The following AFF2 variants were observed in gnomAD, a reference collection of about 807,000 sequenced individuals.
AFF2 encodes AF4/FMR2 family member 2.
In AFF2, 14 loss-of-function variants were observed where a neutral mutation model predicts 76.9. That is an observed-to-expected ratio of 0.18 (90% CI 0.12 to 0.28). The LOEUF is 0.28. Among genes scored for constraint, AFF2 ranks in the 10% least tolerant of loss-of-function variants. The pLI is 1.00. For synonymous variants in AFF2, 398 were observed against 366.7 expected (o/e 1.09, Z -0.98); for missense variants, 868 against 1,001.1 (o/e 0.87, Z 1.79).
intron 1 of AFF2, among the ~76,000 whole-genome samples, chrX:148,637,309 C>T (rs1259617340): frequency 9.0e-6 from 1 of 111,672 alleles, no homozygotes; most frequent in Non-Finnish European, 1.9e-5. Context: ...CATATGTGCC[C>T]CAGGTCCAGA....
At chrX:148,952,958 A>G (rs2071987227) in intron 9 of AFF2, among the ~76,000 whole-genome samples, 1 of 111,268 alleles carries the variant, frequency 9.0e-6, no homozygotes, top group African/African-American at 3.3e-5. Flanking sequence ...AGCAATGAAT[A>G]TGCTCAGCAC....
chrX:148,994,429 G>T lies in AFF2; in HGVS notation c.*3097G>T, dbSNP rs1456754533. The stretch of plus-strand genomic sequence containing the variant: ...TAAGCATGTTGTTAGCCAGCCTGTA[G>T]ACTGTTAATTACTTAATAATCTCAT... On this transcript the variant is annotated 3_prime_UTR_variant, in exon 21 of 21. Transcript: ENST00000370460. 1 of 112,418 alleles carries T rather than the reference G, an allele frequency of 8.9e-6. No individual in the cohort carries two copies. Among genetic ancestry groups the T allele is most frequent in the Non-Finnish European group, 1.9e-5 (1 of 53,300 alleles). 9.3% of individuals were successfully genotyped at this position (112,418 alleles called of 1,213,427 possible).
rs1201391700 is a variant in AFF2, at chrX:148,997,145, A to C, written c.*5813A>C. The C allele has an allele frequency of 2.7e-5, 3 of 112,256 alleles. No individual in the cohort carries two copies. Among genetic ancestry groups the C allele is most frequent in the Non-Finnish European group, 3.8e-5 (2 of 53,219 alleles). 9.3% of individuals were successfully genotyped at this position (112,256 alleles called of 1,213,427 possible). On this transcript the variant is annotated 3_prime_UTR_variant, in exon 21 of 21. Transcript: ENST00000370460. The stretch of plus-strand genomic sequence containing the variant: ...TGTTTTAGCTCTGAACTCAAACCAG[A>C]ATATCTCTGTATCAATTGCATGACT...
intron 3 of AFF2, among the ~76,000 whole-genome samples, chrX:148,790,430 A>C (rs1029040153): frequency 8.9e-6 from 1 of 111,737 alleles, no homozygotes; most frequent in Non-Finnish European, 1.9e-5. Context: ...AAAGACATGG[A>C]ATCAACCCAA....
intron 1 of AFF2, among the ~76,000 whole-genome samples, chrX:148,504,223 G>A (rs782147143): frequency 4.7e-4 from 52 of 110,614 alleles, no homozygotes; most frequent in African/African-American, 1.7e-3. Context: ...CTCCCACCCA[G>A]TATTGATTAG....
intron 3 of AFF2, among the ~76,000 whole-genome samples, chrX:148,808,242 C>T (rs1010409502): frequency 2.7e-5 from 3 of 111,899 alleles, no homozygotes; most frequent in Admixed American, 9.4e-5. Flanking sequence ...TGTGATTCTT[C>T]ATATTCACCT....
At chrX:148,501,779 TGAGG>T (rs1557231902) in intron 1 of AFF2, among the ~76,000 whole-genome samples, 2 of 113,265 alleles carry the variant, frequency 1.8e-5, no homozygotes, top group African/African-American at 3.2e-5. Flanking sequence ...CTTTCAAGAC[TGAGG>T]GTTTTCGGAG....
intron 3 of AFF2, among the ~76,000 whole-genome samples, chrX:148,679,033 C>T (rs1057301120): frequency 7.3e-5 from 8 of 109,499 alleles, no homozygotes; most frequent in South Asian, 3.9e-4. Context: ...TACATAACAC[C>T]GCTGTATAAT....
chrX:148,983,849 C>G (rs886746977), intron 19 of AFF2, among the ~76,000 whole-genome samples: 2 of 105,224 alleles, frequency 1.9e-5, no homozygotes, highest in Non-Finnish European at 3.9e-5. Context: ...AGATACTAAA[C>G]AAAGAATAGA....
At chrX:148,876,429 G>A (rs1415000327) in intron 7 of AFF2, among the ~76,000 whole-genome samples, 1 of 111,550 alleles carries the variant, frequency 9.0e-6, no homozygotes, top group African/African-American at 3.3e-5. Context: ...TGAGGACTCT[G>A]AATATTGGCT....
intron 1 of AFF2, among the ~76,000 whole-genome samples, chrX:148,617,260 G>A (rs1282882574): frequency 4.5e-5 from 5 of 111,435 alleles, no homozygotes; most frequent in Admixed American, 1.9e-4. Flanking sequence ...TTTAATGATC[G>A]CCATTCTAAC....
At chrX:148,551,675 A>G (rs1441468984) in intron 1 of AFF2, among the ~76,000 whole-genome samples, 6 of 110,818 alleles carry the variant, frequency 5.4e-5, no homozygotes, top group Non-Finnish European at 7.6e-5. Flanking sequence ...TGTGCAGTAA[A>G]GGGTTAACCT....
At chrX:148,684,882 A>G (rs938270040) in intron 3 of AFF2, among the ~76,000 whole-genome samples, 1 of 112,433 alleles carries the variant, frequency 8.9e-6, no homozygotes, top group African/African-American at 3.2e-5. Flanking sequence ...GGATTGTTAT[A>G]ACTTGTTTTT....
rs2071383688 is a variant in AFF2 at position 148,904,076 on chromosome X, T to C, written c.1360-145T>C. 6.5e-6 allele frequency: 3 copies of C among 464,139 alleles called. No individual in the cohort carries two copies. The South Asian group carries it at 9.7e-5, about 15-fold the overall frequency. The allele number at this position is 464,139 out of a possible 1,213,427, so 38.3% of individuals were successfully genotyped here. On this transcript the variant is annotated intron_variant, in intron 8 of 20. Coordinates refer to ENST00000370460, the MANE Select transcript of AFF2 (RefSeq NM_002025.4). Reference sequence around the variant, plus strand: ...GGAGAAGAAAATTGCTTTCTGAGTCTCCAGTCTGCTTATCTACAGCACCCT... The same window carrying C: ...GGAGAAGAAAATTGCTTTCTGAGTCCCCAGTCTGCTTATCTACAGCACCCT...
intron 13 of AFF2, among the ~76,000 whole-genome samples, chrX:148,963,449 C>T (rs1185575541): frequency 1.8e-5 from 2 of 111,543 alleles, no homozygotes; most frequent in African/African-American, 3.3e-5. Context: ...CAAATTTGCT[C>T]GATAACTCTG....
intron 1 of AFF2, among the ~76,000 whole-genome samples, chrX:148,513,115 T>G (rs1214181623): frequency 1.8e-5 from 2 of 112,484 alleles, no homozygotes. Flanking sequence ...ATTTTTAAGA[T>G]TTGGTTACAT....
chrX:148,846,912 T>C (rs1050941342), intron 7 of AFF2, among the ~76,000 whole-genome samples: 2 of 111,713 alleles, frequency 1.8e-5, no homozygotes, highest in Non-Finnish European at 3.8e-5. Context: ...TTTCTTTGTT[T>C]TTCCCCAAGA....
intron 1 of AFF2, among the ~76,000 whole-genome samples, chrX:148,535,814 A>G (rs1208984138): frequency 1.8e-5 from 2 of 111,010 alleles, no homozygotes; most frequent in Non-Finnish European, 3.8e-5. Context: ...AGATTTTATG[A>G]TGGTGTGACT....
At chrX:148,629,108 T>C (rs1557252653) in intron 1 of AFF2, among the ~76,000 whole-genome samples, 1 of 109,119 alleles carries the variant, frequency 9.2e-6, no homozygotes. Context: ...AGTTTGTGTG[T>C]GTGTGTGTGT....
Sources: gnomAD v4.1 joint callset for allele counts (sites outside exome capture counted in the v4.1 genomes callset) on GRCh38, gnomAD v4.1.1 for gene constraint, MANE v1.5 for transcripts, NCBI Gene and HGNC (gene_info 2026-07-23, HGNC 2026-07-21) for gene names.